SPATA45: variants seen among roughly 807,000 people sequenced by gnomAD.
SPATA45 encodes spermatogenesis associated 45.
SPATA45 carries 5 observed loss-of-function variants against 7.0 expected under a neutral mutation model. The observed-to-expected ratio is 0.71, with a 90% CI of 0.37 to 1.50. The LOEUF is 1.50. Among genes scored for constraint, SPATA45 ranks in the 40% most tolerant of loss-of-function variants. SPATA45 has a pLI of 0.03. For missense variants in SPATA45, 111 were observed against 114.9 expected (o/e 0.97, Z 0.16); for synonymous variants, 40 against 38.7 (o/e 1.03, Z -0.13).
intron 2 of SPATA45, among the ~76,000 whole-genome samples, chr1:212,830,651 G>A (rs1275193128): frequency 1.4e-5 from 2 of 140,524 alleles, no homozygotes; most frequent in Non-Finnish European, 3.1e-5. Context: ...CAGCCTGGGC[G>A]AAAGAGCAAG....
At chr1:212,840,835 G>A (rs944048735) in intron 1 of SPATA45, among the ~76,000 whole-genome samples, 2 of 151,894 alleles carry the variant, frequency 1.3e-5, no homozygotes, top group Admixed American at 1.3e-4. Context: ...AGCCAGGATG[G>A]ACTCGATCTC....
At chr1:212,832,280 A>G (rs1374578193) in intron 2 of SPATA45, among the ~76,000 whole-genome samples, 1 of 149,250 alleles carries the variant, frequency 6.7e-6, no homozygotes, top group Non-Finnish European at 1.5e-5. Context: ...CTGGGATTAC[A>G]GGCGTGAGCC....
intron 2 of SPATA45, among the ~76,000 whole-genome samples, chr1:212,831,757 G>T (rs1280677289): frequency 6.6e-6 from 1 of 150,902 alleles, no homozygotes; most frequent in East Asian, 1.9e-4. Context: ...CAACACACAG[G>T]CCTCCCCACC....
At chr1:212,842,954 G>A (rs1341680440) in intron 1 of SPATA45, among the ~76,000 whole-genome samples, 3 of 143,386 alleles carry the variant, frequency 2.1e-5, no homozygotes, top group East Asian at 2.0e-4. Context: ...AAAATTAGCT[G>A]GGCGTGGTGG....
intron 2 of SPATA45, among the ~76,000 whole-genome samples, chr1:212,835,375 A>G (rs1663568671): frequency 6.6e-6 from 1 of 151,280 alleles, no homozygotes; most frequent in African/African-American, 2.4e-5. Flanking sequence ...AATACAAAAA[A>G]ATCAGTCAGA....
At chr1:212,835,758 C>T (rs1465336051) in intron 2 of SPATA45, 115 bp downstream of exon 2, 72 of 924,504 alleles carry the variant, frequency 7.8e-5, no homozygotes, top group Non-Finnish European at 1.1e-4. Context: ...ATCGCTTGAA[C>T]CCGGGAGGTG....
intron 2 of SPATA45, among the ~76,000 whole-genome samples, chr1:212,834,625 A>G (rs377612627): frequency 6.6e-6 from 1 of 151,296 alleles, no homozygotes; most frequent in East Asian, 1.9e-4. Flanking sequence ...TAATTTTTGC[A>G]TTTTTAGTAG....
chr1:212,840,523 G>C (rs1663661607), intron 1 of SPATA45, among the ~76,000 whole-genome samples: 1 of 151,936 alleles, frequency 6.6e-6, no homozygotes, highest in African/African-American at 2.4e-5. Context: ...AGGTTCAAGC[G>C]ATTCTCGTGC....
rs1663578460 is a variant in SPATA45 at position 212,836,025 on chromosome 1, C to A, written c.125G>T (p.Ser42Ile). 6.2e-7 allele frequency: 1 copy of A among 1,611,230 alleles called. No individual in the cohort carries two copies. Among genetic ancestry groups the A allele is most frequent in the Non-Finnish European group, 8.5e-7 (1 of 1,178,050 alleles). ...GTGCCTCTTTTGAACTCTCAGTAAGCTGACTTGATTGCTTCGTTCCACCAA... is the reference window on the plus strand; with the variant it reads ...GTGCCTCTTTTGAACTCTCAGTAAGATGACTTGATTGCTTCGTTCCACCAA... ...NCLVERSNQV[S>I]LLRVQKRHFP... Residue 42 changes from serine to isoleucine, a missense_variant, in exon 2 of 3, where the codon AGC becomes ATC. By Grantham distance (142) the Ser-to-Ile change is moderately radical. Transcript: ENST00000332912.
At chr1:212,833,173 G>A (rs1056878560) in intron 2 of SPATA45, among the ~76,000 whole-genome samples, 8 of 151,570 alleles carry the variant, frequency 5.3e-5, no homozygotes, top group Admixed American at 5.3e-4. Context: ...GGTGATTTCT[G>A]AGATTTTGGT....
intron 1 of SPATA45, among the ~76,000 whole-genome samples, chr1:212,843,165 C>A (rs1331566002): frequency 6.7e-6 from 1 of 149,094 alleles, no homozygotes; most frequent in Non-Finnish European, 1.5e-5. Context: ...TGGCACATGC[C>A]TGTAATCCCA....
intron 1 of SPATA45, among the ~76,000 whole-genome samples, chr1:212,837,138 GT>G (rs915043754): frequency 5.3e-5 from 8 of 150,968 alleles, no homozygotes; most frequent in African/African-American, 1.9e-4. Context: ...AATAATACAT[GT>G]TTATTACATA....
Position 212,836,021 on chromosome 1 carries a change from T to C in SPATA45, c.129A>G (p.Leu43=). The change falls in exon 2 of 3, where the codon TTA becomes TTG. Residue 43 remains leucine (L), a synonymous_variant. Coordinates refer to ENST00000332912, the MANE Select transcript of SPATA45 (RefSeq NM_001024601.3). The part of the protein sequence containing the change: ...CLVERSNQVS[L]LRVQKRHFPD... Reference sequence around the variant, plus strand: ...GGAAGTGCCTCTTTTGAACTCTCAGTAAGCTGACTTGATTGCTTCGTTCCA... The same window carrying C: ...GGAAGTGCCTCTTTTGAACTCTCAGCAAGCTGACTTGATTGCTTCGTTCCA... 1 of 1,611,426 alleles carries C rather than the reference T, an allele frequency of 6.2e-7. No individual in the cohort carries two copies. Among genetic ancestry groups the C allele is most frequent in the Non-Finnish European group, 8.5e-7 (1 of 1,178,068 alleles).
In SPATA45 at chr1:212,836,054, G is replaced by A. The variant is rs778202272; in HGVS notation, c.96C>T (p.Asn32=). ...CTTGATTGCTTCGTTCCACCAAGCA[G>A]TTGGATTCACGCTTTTTGTTTATCT... ...LEEINKKRES[N]CLVERSNQVS... Residue 32 remains asparagine (N), a synonymous_variant, in exon 2 of 3, where the codon AAC becomes AAT. Transcript: ENST00000332912. 14 of 1,610,748 alleles carry A rather than the reference G, an allele frequency of 8.7e-6. 1 individual carries two copies. In the East Asian group the frequency reaches 3.1e-4, roughly 36 times the overall value.
chr1:212,831,930 C>T (rs1333903505), intron 2 of SPATA45, among the ~76,000 whole-genome samples: 1 of 150,720 alleles, frequency 6.6e-6, no homozygotes, highest in Non-Finnish European at 1.5e-5. Context: ...ACCCTCCATC[C>T]AACACTTCCT....
At chr1:212,843,297 AAAAAG>A (rs1663726109) in intron 1 of SPATA45, among the ~76,000 whole-genome samples, 1 of 152,186 alleles carries the variant, frequency 6.6e-6, no homozygotes, top group Admixed American at 6.5e-5. Context: ...TCTCAAAAAA[AAAAAG>A]AAAAGAAAGA....
At chr1:212,839,903 C>T (rs938159381) in intron 1 of SPATA45, among the ~76,000 whole-genome samples, 1 of 151,448 alleles carries the variant, frequency 6.6e-6, no homozygotes, top group Admixed American at 6.6e-5. Context: ...GGCTGAGTAC[C>T]TAGCACATTG....
At chr1:212,846,509 C>A (rs1041412343) in intron 1 of SPATA45, among the ~76,000 whole-genome samples, 10 of 152,250 alleles carry the variant, frequency 6.6e-5, no homozygotes, top group East Asian at 5.8e-4. Context: ...TGACGTTCCA[C>A]CACTGTGATT....
At chr1:212,842,719 T>G (rs1663709335) in intron 1 of SPATA45, among the ~76,000 whole-genome samples, 2 of 152,144 alleles carry the variant, frequency 1.3e-5, no homozygotes, top group Admixed American at 6.5e-5. Flanking sequence ...ACGCCTGTGA[T>G]CCCAACACTT....
Sources: gnomAD v4.1 joint callset for allele counts (sites outside exome capture counted in the v4.1 genomes callset) on GRCh38, gnomAD v4.1.1 for gene constraint, MANE v1.5 for transcripts, NCBI Gene and HGNC (gene_info 2026-07-23, HGNC 2026-07-21) for gene names.